The following CNBD1 variants were observed in gnomAD, a reference collection of about 807,000 sequenced individuals.
The protein encoded by CNBD1 is cyclic nucleotide-binding domain-containing protein 1.
A neutral mutation model predicts 54.4 loss-of-function variants in CNBD1; 71 were observed. The ratio of observed to expected loss-of-function variants is 1.30; its 90% CI spans 1.08 to 1.59. CNBD1 has a LOEUF of 1.59. Among genes scored for constraint, CNBD1 ranks in the 40% most tolerant of loss-of-function variants. CNBD1 has a pLI of 0.00. For missense variants in CNBD1, 659 were observed against 518.0 expected (o/e 1.27, Z -2.64); for synonymous variants, 182 against 170.7 (o/e 1.07, Z -0.51).
At chr8:86,935,009 G>GTTTA (rs759798022) in intron 3 of CNBD1, among the ~76,000 whole-genome samples, 11 of 141,342 alleles carry the variant, frequency 7.8e-5, no homozygotes, top group African/African-American at 3.1e-4. Flanking sequence ...ATTTGGGTTT[G>GTTTA]TTTGTTTGTT....
intron 8 of CNBD1, among the ~76,000 whole-genome samples, chr8:87,330,198 A>G (rs1180153210): frequency 7.8e-6 from 1 of 127,720 alleles, no homozygotes; most frequent in East Asian, 2.2e-4. Context: ...CCCCTATTTT[A>G]TTTCCCATAC....
At chr8:86,997,782 C>T (rs1434461290) in intron 4 of CNBD1, among the ~76,000 whole-genome samples, 1 of 152,070 alleles carries the variant, frequency 6.6e-6, no homozygotes, top group Non-Finnish European at 1.5e-5. Context: ...TCCTGAGTCA[C>T]AAATTTCCTT....
intron 4 of CNBD1, among the ~76,000 whole-genome samples, chr8:86,984,230 A>T (rs1808554194): frequency 6.6e-6 from 1 of 152,194 alleles, no homozygotes; most frequent in Non-Finnish European, 1.5e-5. Context: ...AGTGCACAGA[A>T]GTCAAGACCC....
downstream of CNBD1, among the ~76,000 whole-genome samples, chr8:87,385,223 C>G (rs1563581077): frequency 6.6e-6 from 1 of 152,116 alleles, no homozygotes; most frequent in African/African-American, 2.4e-5. Flanking sequence ...TTCTGCATTT[C>G]CAACTGAGCT....
chr8:86,904,833 G>A (rs886692858), intron 2 of CNBD1, among the ~76,000 whole-genome samples: 5 of 151,884 alleles, frequency 3.3e-5, no homozygotes, highest in Non-Finnish European at 7.4e-5. Flanking sequence ...TAAAAAGACT[G>A]AACTTCAAAA....
intron 2 of CNBD1, among the ~76,000 whole-genome samples, chr8:87,396,318 C>T (rs1348422754): frequency 1.3e-5 from 2 of 151,870 alleles, no homozygotes; most frequent in African/African-American, 2.4e-5. Context: ...TTCCCAAACA[C>T]CTTATCATTT....
chr8:87,161,435 G>A (rs895700423), intron 4 of CNBD1, among the ~76,000 whole-genome samples: 26 of 152,020 alleles, frequency 1.7e-4, no homozygotes, highest in African/African-American at 6.0e-4. Context: ...TTCACAATCT[G>A]TTCTACACTT....
rs565596527 is a variant in CNBD1 at position 87,266,157 on chromosome 8, G to A, written c.772-18521G>A. On this transcript the variant is annotated intron_variant, in intron 6 of 10. Coordinates refer to ENST00000518476, the MANE Select transcript of CNBD1 (RefSeq NM_173538.3). ...ATCTTAAAGATAAGTGTCCCCTAAT[G>A]ATTTATACATTTCATGCAATTCCAT... Among the ~76,000 whole-genome samples the A allele has an allele frequency of 2.0e-5, 3 of 151,724 alleles. No individual in the cohort carries two copies. The East Asian group carries it at 5.8e-4, about 29-fold the overall frequency.
chr8:86,948,768 G>A (rs571416253), intron 4 of CNBD1, among the ~76,000 whole-genome samples: 2 of 152,180 alleles, frequency 1.3e-5, no homozygotes, highest in African/African-American at 4.8e-5. Flanking sequence ...AACTTGATGT[G>A]ATCTCATTTG....
intron 3 of CNBD1, among the ~76,000 whole-genome samples, chr8:86,912,228 A>G (rs1349174900): frequency 6.6e-6 from 1 of 152,216 alleles, no homozygotes; most frequent in South Asian, 2.1e-4. Context: ...TTAACAATGT[A>G]TAGTATTTGT....
chr8:87,304,497 G>T (rs1340755976), intron 8 of CNBD1, among the ~76,000 whole-genome samples: 16 of 151,976 alleles, frequency 1.1e-4, no homozygotes, highest in Admixed American at 1.0e-3. Flanking sequence ...GGGGTGGGGT[G>T]AGGGGGGAGA....
At chr8:87,079,120 A>G (rs937191211) in intron 4 of CNBD1, among the ~76,000 whole-genome samples, 5 of 152,072 alleles carry the variant, frequency 3.3e-5, no homozygotes, top group African/African-American at 9.7e-5. Flanking sequence ...TTACAAAATA[A>G]TTTCACAGTG....
At chr8:87,230,543 C>T (rs1181076255) in intron 5 of CNBD1, among the ~76,000 whole-genome samples, 1 of 150,910 alleles carries the variant, frequency 6.6e-6, no homozygotes, top group African/African-American at 2.5e-5. Flanking sequence ...TGAAAACTTC[C>T]AGAAATTAAT....
chr8:86,917,296 G>A (rs1416998708), intron 3 of CNBD1, among the ~76,000 whole-genome samples: 1 of 152,154 alleles, frequency 6.6e-6, no homozygotes. Context: ...GTAAATTGGA[G>A]TCCTTGGCTT....
chr8:87,401,646 C>A (rs1391517742), intron 2 of CNBD1, among the ~76,000 whole-genome samples: 1 of 152,040 alleles, frequency 6.6e-6, no homozygotes, highest in Non-Finnish European at 1.5e-5. Context: ...CCATGCTTAA[C>A]AGAAATGTCA....
At chr8:86,882,446 GA>G (rs1262846623) in intron 1 of CNBD1, among the ~76,000 whole-genome samples, 1 of 152,148 alleles carries the variant, frequency 6.6e-6, no homozygotes, top group East Asian at 1.9e-4. Flanking sequence ...GGTCATTAGA[GA>G]AATGCAAATC....
chr8:87,095,727 G>A (rs1185031926), intron 4 of CNBD1, among the ~76,000 whole-genome samples: 4 of 152,056 alleles, frequency 2.6e-5, no homozygotes, highest in Admixed American at 1.3e-4. Flanking sequence ...GCACGATCTC[G>A]GCTCACTGAA....
intron 5 of CNBD1, among the ~76,000 whole-genome samples, chr8:87,229,016 G>T (rs1586347322): frequency 3.9e-5 from 6 of 152,222 alleles, no homozygotes; most frequent in African/African-American, 1.4e-4. Context: ...GATTTTCCAG[G>T]TGCGGTCCCT....
chr8:87,185,747 A>G (rs1218943321), intron 4 of CNBD1, among the ~76,000 whole-genome samples: 2 of 146,172 alleles, frequency 1.4e-5, no homozygotes, highest in African/African-American at 4.9e-5. Flanking sequence ...AATGATAAAT[A>G]CTCATTAATA....
Sources: allele counts gnomAD v4.1 joint callset (sites outside exome capture counted in the v4.1 genomes callset), GRCh38; gene constraint gnomAD v4.1.1; transcripts MANE v1.5; gene names NCBI Gene and HGNC (gene_info 2026-07-23, HGNC 2026-07-21).